Variants in EPB41L3 observed in about 807,000 individuals in gnomAD.
The protein encoded by EPB41L3 is band 4.1-like protein 3.
Under a neutral mutation model 127.1 loss-of-function variants are expected in EPB41L3, and 57 were observed. The observed-to-expected ratio is 0.45, with a 90% CI of 0.36 to 0.56. The LOEUF (loss-of-function observed/expected upper bound fraction) is 0.56, where lower values mean the gene tolerates loss of function less well. Among genes scored for constraint, EPB41L3 ranks in the 20% least tolerant of loss-of-function variants. The pLI, the probability that EPB41L3 is intolerant of heterozygous loss-of-function variation, is 0.00. For missense variants in EPB41L3, 1,273 were observed against 1,372.2 expected, an observed-to-expected ratio of 0.93 and a Z score of 1.14; for synonymous variants, 572 against 549.5, an observed-to-expected ratio of 1.04 and a Z score of -0.57.
At chr18:5,525,058 T>A (rs1433013570) in intron 1 of EPB41L3, among the ~76,000 whole-genome samples, 2 of 152,216 alleles carry the variant, frequency 1.3e-5, no homozygotes, top group Non-Finnish European at 2.9e-5. Context: ...AACCCAGTTT[T>A]AACACAGACA....
intron 1 of EPB41L3, among the ~76,000 whole-genome samples, chr18:5,627,087 C>A (rs935530921): frequency 1.3e-5 from 2 of 152,144 alleles, no homozygotes; most frequent in African/African-American, 2.4e-5. Flanking sequence ...AGTCTGTTTA[C>A]GCAGTGCTCC....
intron 3 of EPB41L3, among the ~76,000 whole-genome samples, chr18:5,448,511 G>A (rs1296032233): frequency 6.6e-6 from 1 of 152,074 alleles, no homozygotes; most frequent in Non-Finnish European, 1.5e-5. Context: ...GAGAAATGAT[G>A]TTTATTATGG....
chr18:5,561,398 C>T (rs1002260403), intron 3 of EPB41L3, among the ~76,000 whole-genome samples: 1 of 151,934 alleles, frequency 6.6e-6, no homozygotes, highest in African/African-American at 2.4e-5. Flanking sequence ...CAGGAGACAG[C>T]CTGAAAGAGC....
chr18:5,492,860 G>T (rs574400317), intron 1 of EPB41L3, among the ~76,000 whole-genome samples: 2 of 152,024 alleles, frequency 1.3e-5, no homozygotes, highest in Non-Finnish European at 2.9e-5. Flanking sequence ...TTAAAGAAAC[G>T]TAAATCATAT....
At chr18:5,566,450 T>G (rs142537745) in intron 3 of EPB41L3, among the ~76,000 whole-genome samples, 2,576 of 152,178 alleles carry the variant, frequency 0.017, 81 homozygotes, top group African/African-American at 0.06. Context: ...CACTGCTTAA[T>G]GAAATAAAAG....
intron 6 of EPB41L3, among the ~76,000 whole-genome samples, 165 bp downstream of exon 6, chr18:5,437,870 G>A (rs898845520): frequency 1.3e-5 from 2 of 152,152 alleles, no homozygotes; most frequent in African/African-American, 4.8e-5. Context: ...GATAGGAACT[G>A]GCAAATCTCA....
chr18:5,424,181 C>T, intron 10 of EPB41L3, 81 bp downstream of exon 10: 1 of 968,064 alleles, frequency 1.0e-6, no homozygotes, highest in East Asian at 2.8e-5. Flanking sequence ...AATAAAATTC[C>T]ATATTTTTTA....
At chr18:5,588,573 T>C (rs1341582493) in intron 3 of EPB41L3, among the ~76,000 whole-genome samples, 1 of 151,852 alleles carries the variant, frequency 6.6e-6, no homozygotes, top group Non-Finnish European at 1.5e-5. Flanking sequence ...AGAGGAAAAG[T>C]AGAAACAGTA....
intron 3 of EPB41L3, among the ~76,000 whole-genome samples, chr18:5,460,407 T>A (rs1327941918): frequency 1.3e-5 from 2 of 152,190 alleles, no homozygotes; most frequent in African/African-American, 4.8e-5. Flanking sequence ...CCATGCCATA[T>A]TCTCCAGTTT....
At position 5,543,390 on chromosome 18, in the gene EPB41L3, C is replaced by T. The variant is rs1415516937; in HGVS notation, c.-12+523G>A. 3 of 147,490 alleles carry T rather than the reference C, an allele frequency of 2.0e-5. No homozygotes were observed. The highest frequency in any genetic ancestry group is 7.3e-5 in the African/African-American group (3 of 40,948). The allele number at this position is 147,490 out of a possible 1,614,324, so 9.1% of individuals were successfully genotyped here. ...TGCCGCCGCGCGCTGAGCGCAGGGC[C>T]CCTCCCGCGGCCCGCCAGCCGCCAC... On this transcript the variant is annotated intron_variant, in intron 1 of 22. Transcript: ENST00000341928. This position sits in a 1 kb window ranked among gnomAD's most constrained non-coding sequence, Gnocchi z 5.2.
At chr18:5,514,943 A>G (rs1246869157) in intron 1 of EPB41L3, among the ~76,000 whole-genome samples, 2 of 152,218 alleles carry the variant, frequency 1.3e-5, no homozygotes, top group Admixed American at 1.3e-4. Context: ...TTTTTAAAAC[A>G]CAATTCTGAC....
At chr18:5,424,450 G>A in intron 9 of EPB41L3, 91 bp from the exon 10 acceptor site, 1 of 1,026,028 alleles carries the variant, frequency 9.7e-7, no homozygotes, top group Non-Finnish European at 1.4e-6. Flanking sequence ...GATGCCACCA[G>A]AATTTTAAAA....
chr18:5,545,218 A>T (rs1336213737), upstream of EPB41L3, among the ~76,000 whole-genome samples: 1 of 152,166 alleles, frequency 6.6e-6, no homozygotes, highest in Non-Finnish European at 1.5e-5. Flanking sequence ...TAATTTTTTT[A>T]AAATAGAGCC....
rs536045425 is a variant in EPB41L3 at position 5,520,004 on chromosome 18, C to T, written c.-12+23909G>A. ...GGAATGGAACTGTTTTGCTTTTTGA[C>T]GCAACCCAAGGAGCTTGTCCATGGT... On this transcript the variant is annotated intron_variant, in intron 1 of 22. Coordinates refer to ENST00000341928, the MANE Select transcript of EPB41L3 (RefSeq NM_012307.5). 5.3e-5 allele frequency among the ~76,000 whole-genome samples: 8 copies of T among 152,292 alleles called. No individual in the cohort carries two copies. In the South Asian group the frequency reaches 8.3e-4, roughly 16 times the overall value.
At chr18:5,395,176 A>C (rs2073152090) in intron 20 of EPB41L3, 29 bp from the exon 21 acceptor site, 2 of 1,591,988 alleles carry the variant, frequency 1.3e-6, no homozygotes, top group East Asian at 4.5e-5. Context: ...AGCTTTATGA[A>C]TTTACTCACT....
intron 1 of EPB41L3, among the ~76,000 whole-genome samples, chr18:5,541,161 A>G (rs1210673800): frequency 6.8e-6 from 1 of 147,956 alleles, no homozygotes; most frequent in Admixed American, 6.8e-5. Flanking sequence ...GTTGAGGCAA[A>G]AGAATTGCTT....
chr18:5,396,957 C>T (rs1300203023), intron 18 of EPB41L3, 101 bp downstream of exon 18: 2 of 1,263,050 alleles, frequency 1.6e-6, no homozygotes, highest in African/African-American at 3.0e-5. Flanking sequence ...ATGGGAGAGG[C>T]AGAAAATTAA....
intron 3 of EPB41L3, among the ~76,000 whole-genome samples, chr18:5,551,330 C>T (rs940711740): frequency 6.6e-6 from 1 of 152,152 alleles, no homozygotes; most frequent in Non-Finnish European, 1.5e-5. Context: ...TATCAATATT[C>T]ATTGAAATAT....
chr18:5,492,307 G>C (rs1372829505), intron 1 of EPB41L3, among the ~76,000 whole-genome samples: 1 of 146,842 alleles, frequency 6.8e-6, no homozygotes, highest in Admixed American at 6.6e-5. Flanking sequence ...GTGACACAGA[G>C]AGACTCGGTC....
Sources: gnomAD v4.1 joint callset for allele counts (sites outside exome capture counted in the v4.1 genomes callset) on GRCh38, gnomAD v4.1.1 for gene constraint, Gnocchi (gnomAD v3.1) non-coding constraint, MANE v1.5 for transcripts, NCBI Gene and HGNC (gene_info 2026-07-23, HGNC 2026-07-21) for gene names.